ZNF398: variants seen among roughly 807,000 people sequenced by gnomAD.
The protein encoded by ZNF398 is zinc finger DNA binding protein ZER6.
ZNF398 carries 18 observed loss-of-function variants against 41.9 expected under a neutral mutation model. The ratio of observed to expected loss-of-function variants is 0.43; its 90% confidence interval spans 0.30 to 0.64. The LOEUF is 0.64. ZNF398 is among the 30% of genes least tolerant of loss of function. The probability of loss-of-function intolerance (pLI) is 0.14; values close to 1 mark genes in which losing one functional copy is unlikely to be tolerated. For missense variants in ZNF398, 669 were observed against 822.8 expected, an observed-to-expected ratio of 0.81 and a Z score of 2.29; for synonymous variants, 260 against 308.8, an observed-to-expected ratio of 0.84 and a Z score of 1.66.
rs1232748232 is a variant in ZNF398 at position 149,179,894 on chromosome 7, AATT to A, written c.*99_*101del. Reference sequence around the variant, plus strand: ...GTGAGCCCCATCCAACACCCACAGTAATTATTATCTGGCACATCAATGAATTTG... The same window carrying A: ...GTGAGCCCCATCCAACACCCACAGTAATTATCTGGCACATCAATGAATTTG... On this transcript the variant is annotated 3_prime_UTR_variant, in exon 6 of 6. Transcript: ENST00000475153. The surrounding 1 kb of genome is among the most constrained non-coding windows in gnomAD (Gnocchi z 6.1). 8.4e-7 allele frequency: 1 copy of A among 1,189,768 alleles called. No homozygotes were observed. Among genetic ancestry groups the A allele is most frequent in the Admixed American group, 2.7e-5 (1 of 36,376 alleles). 73.7% of individuals were successfully genotyped at this position (1,189,768 alleles called of 1,614,324 possible).
At chr7:149,151,686 A>C (rs980189337) in intron 1 of ZNF398, among the ~76,000 whole-genome samples, 1 of 152,178 alleles carries the variant, frequency 6.6e-6, no homozygotes. Flanking sequence ...AAAATAAAAA[A>C]ATAAAAAAAA....
chr7:149,135,828 G>A (rs527261554), intron 2 of ZNF398, among the ~76,000 whole-genome samples: 165 of 152,098 alleles, frequency 1.1e-3, no homozygotes, highest in African/African-American at 3.7e-3. Flanking sequence ...ATGGTGGTGC[G>A]CGCCTGTAGT....
chr7:149,150,705 G>A (rs1036280352), intron 1 of ZNF398, among the ~76,000 whole-genome samples: 8 of 98,900 alleles, frequency 8.1e-5, no homozygotes, highest in East Asian at 2.0e-4. Flanking sequence ...CGCCTCCCGC[G>A]CCCCCCCGCC....
intron 2 of ZNF398, among the ~76,000 whole-genome samples, chr7:149,159,926 A>G (rs747005110): frequency 4.0e-5 from 6 of 151,870 alleles, no homozygotes; most frequent in Non-Finnish European, 8.8e-5. Flanking sequence ...GGGTTTCCCC[A>G]TGTTGGCCAG....
intron 2 of ZNF398, among the ~76,000 whole-genome samples, chr7:149,157,589 C>G (rs1438251511): frequency 6.6e-6 from 1 of 151,408 alleles, no homozygotes; most frequent in African/African-American, 2.4e-5. Context: ...CCTGTAATCC[C>G]AGCACTTTGG....
intron 2 of ZNF398, among the ~76,000 whole-genome samples, chr7:149,133,043 G>A (rs1826630584): frequency 6.6e-6 from 1 of 151,770 alleles, no homozygotes; most frequent in Non-Finnish European, 1.5e-5. Context: ...GACAACCAGA[G>A]GTCACTCTGA....
At position 149,147,599 on chromosome 7, in the gene ZNF398, A is replaced by T; in HGVS notation, c.-144A>T. 1 of 921,760 alleles carries T rather than the reference A, an allele frequency of 1.1e-6. No individual in the cohort carries two copies. Among genetic ancestry groups the T allele is most frequent in the Non-Finnish European group, 1.4e-6 (1 of 717,142 alleles). 57.1% of individuals were successfully genotyped at this position (921,760 alleles called of 1,614,324 possible). A position where few individuals can be genotyped will look rare whatever the true frequency, so the allele number is the denominator to read the frequency against. ...CGTCCCGAGCCCCGACGGCCGCGTG[A>T]GTCCCGTCCGTGCGGGGAAGGCAGG... On this transcript the variant is annotated 5_prime_UTR_variant, in exon 1 of 6. Coordinates refer to ENST00000475153, the MANE Select transcript of ZNF398 (RefSeq NM_170686.3). The surrounding 1 kb of genome is among the most constrained non-coding windows in gnomAD (Gnocchi z 5.6).
At chr7:149,159,620 C>T (rs923864116) in intron 2 of ZNF398, among the ~76,000 whole-genome samples, 1 of 151,892 alleles carries the variant, frequency 6.6e-6, no homozygotes, top group African/African-American at 2.4e-5. Flanking sequence ...TGCACTCCAG[C>T]CTGGGCTACA....
chr7:149,150,758 G>A (rs1025943162), intron 1 of ZNF398, among the ~76,000 whole-genome samples: 14 of 151,586 alleles, frequency 9.2e-5, no homozygotes, highest in Admixed American at 7.9e-4. Flanking sequence ...TCACCATGCT[G>A]GAGTGCAGTG....
At chr7:149,144,855 C>G (rs889053548), upstream of ZNF398, among the ~76,000 whole-genome samples, 8 of 152,152 alleles carry the variant, frequency 5.3e-5, no homozygotes, top group African/African-American at 1.9e-4. Flanking sequence ...TCCCAAAGTG[C>G]TGGGATTATA....
intron 4 of ZNF398, among the ~76,000 whole-genome samples, chr7:149,173,531 G>A (rs780354938): frequency 1.4e-4 from 22 of 152,062 alleles, no homozygotes; most frequent in Middle Eastern, 3.4e-3. Flanking sequence ...CTTGATCTGC[G>A]GGGCTGTAGA....
At chr7:149,173,721 G>A (rs1309519861) in intron 4 of ZNF398, among the ~76,000 whole-genome samples, 2 of 150,962 alleles carry the variant, frequency 1.3e-5, no homozygotes, top group African/African-American at 4.9e-5. Flanking sequence ...TGTAACAGAT[G>A]TGCTGTCATC....
chr7:149,128,765 T>TA (rs1563151364), intron 1 of ZNF398: 1 of 137,658 alleles, frequency 7.3e-6, no homozygotes, highest in Non-Finnish European at 1.5e-5. Flanking sequence ...AAAAATAAAA[T>TA]AAAATAAAAT....
chr7:149,142,450 G>C lies in ZNF398; in HGVS notation c.-489-11495G>C, dbSNP rs1281945616. 1.3e-4 allele frequency among the ~76,000 whole-genome samples: 20 copies of C among 152,176 alleles called. No individual in the cohort carries two copies. In the South Asian group the frequency reaches 4.1e-3, roughly 32 times the overall value. On this transcript the variant is annotated intron_variant, in intron 2 of 6. Transcript: ENST00000426851. ...TGGGAGGCCGAGGCGGGCGGATCAC[G>C]AGGTCAGGAGATCGAGACCATCCTG...
chr7:149,134,045 T>C (rs917701690), intron 2 of ZNF398, among the ~76,000 whole-genome samples: 1 of 146,620 alleles, frequency 6.8e-6, no homozygotes, highest in Non-Finnish European at 1.5e-5. Flanking sequence ...GCCACCGTGC[T>C]TGGCCATGCT....
intron 2 of ZNF398, among the ~76,000 whole-genome samples, chr7:149,159,622 T>A (rs1169981930): frequency 1.3e-5 from 2 of 151,932 alleles, no homozygotes; most frequent in Non-Finnish European, 2.9e-5. Context: ...CACTCCAGCC[T>A]GGGCTACAAA....
chr7:149,154,322 T>C lies in ZNF398; in HGVS notation c.402T>C (p.Ile134=), dbSNP rs1794925345. The C allele has an allele frequency of 3.7e-6, 6 of 1,612,686 alleles. No homozygotes were observed. The highest frequency in any genetic ancestry group is 4.2e-6 in the Non-Finnish European group (5 of 1,179,390). Residue 134 remains isoleucine (I), a synonymous_variant, in exon 2 of 6, where the codon ATT becomes ATC. Transcript: ENST00000475153. ...GGATCCTGCGGCTCCCTCCAGGTAT[T>C]AAGGGAGATATCCCAAAGGTAATAC... ...NFWILRLPPG[I]KGDIPKVPVA...
intron 2 of ZNF398, among the ~76,000 whole-genome samples, chr7:149,132,455 A>C (rs1826616963): frequency 6.6e-6 from 1 of 151,900 alleles, no homozygotes; most frequent in South Asian, 2.1e-4. Flanking sequence ...CAGCCTCCCA[A>C]AGCGCTGGGA....
intron 5 of ZNF398, among the ~76,000 whole-genome samples, chr7:149,176,902 G>A (rs955846814): frequency 7.9e-5 from 12 of 152,158 alleles, no homozygotes; most frequent in African/African-American, 2.9e-4. Flanking sequence ...AGAAAACGTG[G>A]GAGTGGGGTG....
Sources: allele counts gnomAD v4.1 joint callset (sites outside exome capture counted in the v4.1 genomes callset), GRCh38; gene constraint gnomAD v4.1.1; non-coding constraint Gnocchi (gnomAD v3.1); transcripts MANE v1.5; gene names NCBI Gene and HGNC (gene_info 2026-07-23, HGNC 2026-07-21).